TMEM269: variants seen among roughly 807,000 people sequenced by gnomAD.
TMEM269 encodes the protein transmembrane protein 269.
Under a neutral mutation model 15.8 loss-of-function variants are expected in TMEM269, and 12 were observed. The ratio of observed to expected loss-of-function variants is 0.76; its 90% CI spans 0.49 to 1.23. The LOEUF (loss-of-function observed/expected upper bound fraction) is 1.23, where lower values mean the gene tolerates loss of function less well. TMEM269 is among the 50% of genes most tolerant of loss of function. The pLI is 0.00. For missense variants in TMEM269, 211 were observed against 245.4 expected, an observed-to-expected ratio of 0.86 and a Z score of 0.94; for synonymous variants, 93 against 99.3, an observed-to-expected ratio of 0.94 and a Z score of 0.38.
intron 1 of TMEM269, among the ~76,000 whole-genome samples, chr1:42,785,412 C>A (rs1653523114): frequency 6.6e-6 from 1 of 152,192 alleles, no homozygotes; most frequent in African/African-American, 2.4e-5. Context: ...CGCCGCCCCG[C>A]CACTCAGTTA....
At chr1:42,798,015 G>C in intron 5 of TMEM269, 83 bp from the exon 6 acceptor site, 2 of 1,459,922 alleles carry the variant, frequency 1.4e-6, no homozygotes, top group Non-Finnish European at 1.9e-6. Flanking sequence ...AAGAATGGGA[G>C]GGTGGGGACG....
At chr1:42,789,507 A>T in intron 1 of TMEM269, 1 of 1,534,938 alleles carries the variant, frequency 6.5e-7, no homozygotes. Context: ...GACTGGAGGG[A>T]TGTCTGTGCT....
chr1:42,789,640 C>T (rs867988607), intron 1 of TMEM269, among the ~76,000 whole-genome samples, 156 bp from the exon 2 acceptor site: 10 of 152,194 alleles, frequency 6.6e-5, no homozygotes, highest in African/African-American at 2.4e-4. Context: ...TCCTGAGTCT[C>T]CTTCATCTAC....
rs904015426 is a variant in TMEM269 at position 42,799,298 on chromosome 1, T to C, written c.*1073T>C. On this transcript the variant is annotated 3_prime_UTR_variant, in exon 6 of 6. Transcript: ENST00000637012. Reference sequence around the variant, plus strand: ...AGGTCCACTGAGCCCCCAGCGTAGATAGACATTCCACCTCCCAGATGGTGG... The same window carrying C: ...AGGTCCACTGAGCCCCCAGCGTAGACAGACATTCCACCTCCCAGATGGTGG... 19 of 151,084 alleles carry C rather than the reference T, an allele frequency of 1.3e-4. No individual in the cohort carries two copies. The highest frequency in any genetic ancestry group is 4.0e-4 in the Admixed American group (6 of 15,124). The allele number at this position is 151,084 out of a possible 1,614,324, so 9.4% of individuals were successfully genotyped here. A position where few individuals can be genotyped will look rare whatever the true frequency, so the allele number is the denominator to read the frequency against.
intron 1 of TMEM269, among the ~76,000 whole-genome samples, chr1:42,787,739 A>G (rs1045391456): frequency 6.6e-6 from 1 of 152,128 alleles, no homozygotes. Context: ...TAGACAATTG[A>G]CCATTAATTA....
intron 1 of TMEM269, chr1:42,789,561 G>A (rs1653643177): frequency 1.4e-6 from 2 of 1,462,742 alleles, no homozygotes; most frequent in Non-Finnish European, 1.8e-6. Context: ...AACTATGCTT[G>A]TGTTGGTTCA....
intron 2 of TMEM269, among the ~76,000 whole-genome samples, chr1:42,790,745 A>C (rs1012069664): frequency 1.3e-5 from 2 of 152,010 alleles, no homozygotes; most frequent in African/African-American, 4.8e-5. Context: ...GAAAATTTCT[A>C]TCCTCTTAGT....
In TMEM269 at chr1:42,789,886, T is replaced by C; in HGVS notation, c.-8T>C. The stretch of plus-strand genomic sequence containing the variant: ...AAGGATGTTACCAGTGCCTTATCTC[T>C]GGCCAACATGGTGCTGGGGCTCTTC... On this transcript the variant is annotated 5_prime_UTR_variant, in exon 2 of 6. Transcript: ENST00000637012. 6.4e-7 allele frequency: 1 copy of C among 1,550,732 alleles called. No homozygotes were observed. The highest frequency in any genetic ancestry group is 8.7e-7 in the Non-Finnish European group (1 of 1,146,968).
chr1:42,798,131 T>G lies in TMEM269; in HGVS notation c.518T>G (p.Leu173Arg). Residue 173 changes from leucine to arginine, a missense_variant, in exon 6 of 6, where the codon CTG becomes CGG. Coordinates refer to ENST00000637012, the MANE Select transcript of TMEM269 (RefSeq NM_001354602.2). ...VIMLFFSPLS[L>R]SAFYCLMWSL... ...ATGCTGTTTTTCTCCCCATTGTCTC[T>G]GTCTGCTTTTTACTGCCTGATGTGG... 1 of 1,551,154 alleles carries G rather than the reference T, an allele frequency of 6.4e-7. No homozygotes were observed.
Position 42,798,356 on chromosome 1 carries a change from C to T in TMEM269, c.*131C>T. On this transcript the variant is annotated 3_prime_UTR_variant, in exon 6 of 6. Coordinates refer to ENST00000637012, the MANE Select transcript of TMEM269 (RefSeq NM_001354602.2). The stretch of plus-strand genomic sequence containing the variant: ...ACTAGATATATGGTATGTCTGTTGC[C>T]ATGAAGTTAGAAACCCAAAGCAGGG... 8.0e-7 allele frequency: 1 copy of T among 1,245,648 alleles called. No homozygotes were observed. Among genetic ancestry groups the T allele is most frequent in the South Asian group, 1.6e-5 (1 of 64,204 alleles). The allele number at this position is 1,245,648 out of a possible 1,614,324, so 77.2% of individuals were successfully genotyped here.
intron 3 of TMEM269, among the ~76,000 whole-genome samples, chr1:42,793,226 G>T (rs1653731658): frequency 6.6e-6 from 1 of 152,190 alleles, no homozygotes; most frequent in South Asian, 2.1e-4. Context: ...GAGGAAGTTG[G>T]CAGAGAGGAG....
chr1:42,798,035 A>G, intron 5 of TMEM269, 63 bp from the exon 6 acceptor site: 2 of 1,535,958 alleles, frequency 1.3e-6, no homozygotes, highest in Non-Finnish European at 1.8e-6. Context: ...GGGAGAGTAG[A>G]GGGTAGAAAG....
intron 3 of TMEM269, 127 bp downstream of exon 3, chr1:42,793,029 G>A (rs2124218935): frequency 1.3e-6 from 1 of 748,702 alleles, no homozygotes; most frequent in South Asian, 1.6e-5. Flanking sequence ...ACCCCGCTGA[G>A]AGCAGCAGCA....
chr1:42,795,598 G>A (rs1653778011), intron 5 of TMEM269, among the ~76,000 whole-genome samples: 1 of 152,130 alleles, frequency 6.6e-6, no homozygotes, highest in South Asian at 2.1e-4. Context: ...GGAAGGAGGA[G>A]GAGACATGGA....
In TMEM269 at chr1:42,789,919, T is replaced by G. The variant is rs745495580; in HGVS notation, c.26T>G (p.Ile9Ser). 1 of 1,550,534 alleles carries G rather than the reference T, an allele frequency of 6.4e-7. No individual in the cohort carries two copies. Among genetic ancestry groups the G allele is most frequent in the Non-Finnish European group, 8.7e-7 (1 of 1,146,936 alleles). Residue 9 changes from isoleucine (I) to serine (S), a missense_variant, in exon 2 of 6, where the codon ATC (isoleucine) becomes AGC (serine). Physicochemically the swap from Ile to Ser is moderately radical, Grantham distance 142. Coordinates refer to ENST00000637012, the MANE Select transcript of TMEM269 (RefSeq NM_001354602.2). MVLGLFSI[I>S]FSFSRKCHYA... ...ATGGTGCTGGGGCTCTTCTCCATCA[T>G]CTTCAGCTTCAGCAGGTAGGTCTGG...
intron 1 of TMEM269, chr1:42,789,383 ACTT>A (rs1489210990): frequency 2.4e-5 from 35 of 1,486,486 alleles, no homozygotes; most frequent in Non-Finnish European, 3.1e-5. Context: ...TCCTGGCACT[ACTT>A]CTCTCTCAAG....
At chr1:42,789,025 C>T (rs1037815616) in intron 1 of TMEM269, among the ~76,000 whole-genome samples, 3 of 151,072 alleles carry the variant, frequency 2.0e-5, no homozygotes, top group African/African-American at 2.4e-5. Flanking sequence ...AAGGTTCAAG[C>T]GATTCTCCTG....
intron 2 of TMEM269, among the ~76,000 whole-genome samples, chr1:42,790,166 T>C (rs1376177960): frequency 6.6e-6 from 1 of 152,232 alleles, no homozygotes; most frequent in East Asian, 1.9e-4. Context: ...GATTCTGTTC[T>C]GGTGGCCCTT....
chr1:42,798,016 G>A, intron 5 of TMEM269, 82 bp from the exon 6 acceptor site: 2 of 1,465,058 alleles, frequency 1.4e-6, no homozygotes, highest in East Asian at 5.0e-5. Context: ...AGAATGGGAG[G>A]GTGGGGACGG....
Sources: gnomAD v4.1 joint callset for allele counts (sites outside exome capture counted in the v4.1 genomes callset) on GRCh38, gnomAD v4.1.1 for gene constraint, MANE v1.5 for transcripts, NCBI Gene and HGNC (gene_info 2026-07-23, HGNC 2026-07-21) for gene names.